Variants in TTC19 observed in about 807,000 individuals in gnomAD.
TTC19 encodes tetratricopeptide repeat protein 19, mitochondrial.
TTC19 carries 38 observed loss-of-function variants against 49.5 expected under a neutral mutation model. The ratio of observed to expected loss-of-function variants is 0.77; its 90% confidence interval spans 0.59 to 1.01. The LOEUF (loss-of-function observed/expected upper bound fraction) is 1.01. Among genes scored for constraint, TTC19 ranks in the 50% least tolerant of loss-of-function variants. The pLI is 0.00. For synonymous variants in TTC19, 204 were observed against 185.2 expected (o/e 1.10, Z -0.83); for missense variants, 475 against 477.7 (o/e 0.99, Z 0.05).
rs8076538 is a variant in TTC19 at position 16,002,638 on chromosome 17, C to T, written c.424-155C>T. Reference sequence around the variant, plus strand: ...TATTTAATTCTCACATGATTGCTGTCCTGTGCTTCTTCTTGCAGATTAATT... The same window carrying T: ...TATTTAATTCTCACATGATTGCTGTTCTGTGCTTCTTCTTGCAGATTAATT... On this transcript the variant is annotated intron_variant, in intron 3 of 9. Transcript: ENST00000261647. 39,325 of 722,774 alleles carry T rather than the reference C, an allele frequency of 0.054. 5,253 individuals are homozygous for T. The highest frequency in any genetic ancestry group is 0.4 in the African/African-American group (22,930 of 57,682). The allele number at this position is 722,774 out of a possible 1,614,324, so 44.8% of individuals were successfully genotyped here. A position where few individuals can be genotyped will look rare whatever the true frequency, so the allele number is the denominator to read the frequency against.
At chr17:16,016,386 G>A (rs1044340978) in intron 7 of TTC19, among the ~76,000 whole-genome samples, 5 of 152,080 alleles carry the variant, frequency 3.3e-5, no homozygotes, top group Non-Finnish European at 7.4e-5. Context: ...ATTGAGATTT[G>A]TTGTATGGCC....
At chr17:16,007,179 T>C (rs186190304) in intron 7 of TTC19, among the ~76,000 whole-genome samples, 26 of 152,310 alleles carry the variant, frequency 1.7e-4, no homozygotes, top group Non-Finnish European at 4.4e-5. Flanking sequence ...GTCTTCTAAC[T>C]CTCTCTTGAA....
downstream of TTC19, chr17:16,032,578 T>A: frequency 8.1e-7 from 1 of 1,235,428 alleles, no homozygotes; most frequent in Non-Finnish European, 1.1e-6. Context: ...AGGATTATTG[T>A]AAAATGGTCA....
rs1295018756 is a variant in TTC19, at chr17:16,002,358, G to T, written c.423+333G>T. 2.6e-5 allele frequency among the ~76,000 whole-genome samples: 4 copies of T among 151,968 alleles called. No individual in the cohort carries two copies. The East Asian group carries it at 7.7e-4, about 29-fold the overall frequency. On this transcript the variant is annotated intron_variant, in intron 3 of 9. Transcript: ENST00000261647. Reference sequence around the variant, plus strand: ...ATGCCTGGCTAAATTTTGTATTGTAGTAGAGACGAGGTTTCACCATATTGG... The same window carrying T: ...ATGCCTGGCTAAATTTTGTATTGTATTAGAGACGAGGTTTCACCATATTGG...
At chr17:16,040,427 C>A (rs750727591) in intron 2 of TTC19, 2 of 1,612,238 alleles carry the variant, frequency 1.2e-6, no homozygotes, top group Non-Finnish European at 8.5e-7. Context: ...TAAATAATGT[C>A]TTTTCAATCT....
At chr17:16,035,188 A>G (rs1974008850) in intron 2 of TTC19, among the ~76,000 whole-genome samples, 1 of 152,212 alleles carries the variant, frequency 6.6e-6, no homozygotes, top group Non-Finnish European at 1.5e-5. Context: ...ACTAATCTGC[A>G]TGGCGGTTGC....
At position 15,999,935 on chromosome 17, in the gene TTC19, C is replaced by G. The variant is rs773742878; in HGVS notation, c.87C>G (p.Leu29=). 2.9e-5 allele frequency: 39 copies of G among 1,334,500 alleles called. No homozygotes were observed. Among genetic ancestry groups the G allele is most frequent in the Admixed American group, 4.1e-5 (1 of 24,316 alleles). The allele number at this position is 1,334,500 out of a possible 1,614,324, so 82.7% of individuals were successfully genotyped here. The part of the protein sequence containing the change: ...RRCRGCSARL[L]PGLAGGPGPE... ...GCCGGGGCTGCTCCGCGCGCCTGCT[C>G]CCGGGGCTGGCAGGAGGTCCGGGGC... Residue 29 remains leucine, a synonymous_variant, in exon 1 of 10, where the codon CTC becomes CTG. Transcript: ENST00000261647.
At chr17:16,031,694 A>C (rs1434798737), downstream of TTC19, 2 of 227,878 alleles carry the variant, frequency 8.8e-6, no homozygotes, top group Non-Finnish European at 1.7e-5. Context: ...ATTTTATGAC[A>C]GGGTCTGTGT....
intron 8 of TTC19, among the ~76,000 whole-genome samples, chr17:16,026,100 T>C (rs1971547249): frequency 6.6e-6 from 1 of 151,986 alleles, no homozygotes; most frequent in Non-Finnish European, 1.5e-5. Flanking sequence ...CTAAAATAGA[T>C]GGTGTATTTC....
At chr17:16,003,785 A>AT in intron 4 of TTC19, 46 bp from the exon 5 acceptor site, 6 of 1,522,208 alleles carry the variant, frequency 3.9e-6, no homozygotes, top group Admixed American at 1.8e-5. Flanking sequence ...ATATATATAT[A>AT]AAATGGGGCC....
At chr17:16,020,127 C>T (rs1971327695) in intron 7 of TTC19, among the ~76,000 whole-genome samples, 1 of 152,106 alleles carries the variant, frequency 6.6e-6, no homozygotes, top group African/African-American at 2.4e-5. Flanking sequence ...CAACAAAAAC[C>T]AAATTGCTGA....
In TTC19 at chr17:15,999,828, C is replaced by T. The variant is rs1410641256; in HGVS notation, c.-21C>T. ...CCAGGAGCGCGTCTGGCCTGCAGTG[C>T]GCAGAGGACGCGGCGGGAGCATGTT... On this transcript the variant is annotated 5_prime_UTR_variant, in exon 1 of 10. Coordinates refer to ENST00000261647, the MANE Select transcript of TTC19 (RefSeq NM_017775.4). 2 of 1,542,592 alleles carry T rather than the reference C, an allele frequency of 1.3e-6. No individual in the cohort carries two copies. Among genetic ancestry groups the T allele is most frequent in the African/African-American group, 2.8e-5 (2 of 72,276 alleles).
At chr17:16,033,632 C>CT (rs1246671481), downstream of TTC19, among the ~76,000 whole-genome samples, 12 of 137,950 alleles carry the variant, frequency 8.7e-5, no homozygotes, top group African/African-American at 3.4e-4. Context: ...CTCTGAAACT[C>CT]TAAAATTCGT....
At chr17:16,013,328 C>A (rs147352721) in intron 7 of TTC19, among the ~76,000 whole-genome samples, 52 of 152,260 alleles carry the variant, frequency 3.4e-4, no homozygotes, top group Admixed American at 1.2e-3. Context: ...TTTTATTCAT[C>A]TTTAATAAAT....
chr17:16,003,770 C>CAT (rs56782815), intron 4 of TTC19, 61 bp from the exon 5 acceptor site: 19,792 of 1,339,004 alleles, frequency 0.015, 423 homozygotes, highest in East Asian at 0.14. Flanking sequence ...AATCCAGGGT[C>CAT]ATATATATAT....
At chr17:16,000,288 C>T (rs758853) in intron 2 of TTC19, 43 bp downstream of exon 2, 1 of 1,588,980 alleles carries the variant, frequency 6.3e-7, no homozygotes, top group Non-Finnish European at 8.5e-7. Context: ...GCGCGGTAGC[C>T]TTTGTGAGCG....
chr17:16,010,782 A>G (rs971410479), intron 7 of TTC19, among the ~76,000 whole-genome samples: 1 of 151,894 alleles, frequency 6.6e-6, no homozygotes, highest in African/African-American at 2.4e-5. Context: ...CCTATTTTCA[A>G]CTCTTAACCA....
At chr17:16,008,162 A>G (rs1970965939) in intron 7 of TTC19, among the ~76,000 whole-genome samples, 1 of 152,146 alleles carries the variant, frequency 6.6e-6, no homozygotes, top group South Asian at 2.1e-4. Flanking sequence ...GATATCTTTT[A>G]GTTCCATAGT....
rs1475645042 is a variant in TTC19, at chr17:16,028,977, A to G, written c.*1455A>G. On this transcript the variant is annotated 3_prime_UTR_variant, in exon 10 of 10. Transcript: ENST00000261647. ...TCTGTCTAATCTCATATTATTTACC[A>G]TGCAGCTAATGCCGTTTACCAAGTC... The G allele has an allele frequency of 7.0e-6, 3 of 427,682 alleles. No individual in the cohort carries two copies. The highest frequency in any genetic ancestry group is 5.7e-5 in the Admixed American group (2 of 35,338). The allele number at this position is 427,682 out of a possible 1,614,324, so 26.5% of individuals were successfully genotyped here.
Sources: allele counts gnomAD v4.1 joint callset (sites outside exome capture counted in the v4.1 genomes callset), GRCh38; gene constraint gnomAD v4.1.1; transcripts MANE v1.5; gene names NCBI Gene and HGNC (gene_info 2026-07-23, HGNC 2026-07-21).